Variants in KAZN observed in about 807,000 individuals in gnomAD.
The protein encoded by KAZN is kazrin.
A neutral mutation model predicts 87.4 loss-of-function variants in KAZN; 40 were observed. The observed-to-expected ratio is 0.46, with a 90% confidence interval of 0.36 to 0.60. KAZN has a LOEUF of 0.60. Ranked by LOEUF, KAZN falls within the 20% of genes least tolerant of loss-of-function variation. The probability of loss-of-function intolerance (pLI) is 0.00; values close to 1 mark genes in which losing one functional copy is unlikely to be tolerated. For missense variants in KAZN, 898 were observed against 1,073.9 expected, an observed-to-expected ratio of 0.84 and a Z score of 2.29; for synonymous variants, 466 against 458.3, an observed-to-expected ratio of 1.02 and a Z score of -0.22.
At chr1:15,001,181 C>G (rs12026555) in intron 2 of KAZN, among the ~76,000 whole-genome samples, 25,386 of 151,154 alleles carry the variant, frequency 0.17, 2,363 homozygotes, top group East Asian at 0.35. Context: ...CTGCAACATG[C>G]CTGGGCGTGG....
Position 13,962,395 on chromosome 1 carries a change from C to A in KAZN, c.91+68639C>A, listed in dbSNP as rs78558161. Among the ~76,000 whole-genome samples, 1,055 of 152,204 alleles carry A rather than the reference C, an allele frequency of 6.9e-3. 14 individuals carry two copies. The highest frequency in any genetic ancestry group is 0.024 in the African/African-American group (1,003 of 41,494). On this transcript the variant is annotated intron_variant, in intron 1 of 16. Transcript: ENST00000636203. ...GGCAACACCTTCTCAGAATGCTGAGCAACTTTGTCCACACAGTGGAGGGGT... is the reference window on the plus strand; with the variant it reads ...GGCAACACCTTCTCAGAATGCTGAGAAACTTTGTCCACACAGTGGAGGGGT...
At chr1:14,860,474 C>T (rs973946654) in intron 1 of KAZN, among the ~76,000 whole-genome samples, 7 of 152,216 alleles carry the variant, frequency 4.6e-5, no homozygotes, top group African/African-American at 1.7e-4. Context: ...TTATTACAGG[C>T]ATGAGCCACC....
At chr1:14,862,741 C>T (rs185240683) in intron 1 of KAZN, among the ~76,000 whole-genome samples, 4 of 151,954 alleles carry the variant, frequency 2.6e-5, no homozygotes, top group Admixed American at 2.0e-4. Context: ...GCTCATAATA[C>T]ATTGACACTA....
chr1:14,830,237 G>A (rs760863877), intron 1 of KAZN, among the ~76,000 whole-genome samples: 13 of 152,138 alleles, frequency 8.5e-5, no homozygotes, highest in Non-Finnish European at 1.3e-4. Context: ...CTTTCCCTGA[G>A]CCGTAGCAGG....
chr1:15,004,522 T>C (rs1319852950), intron 2 of KAZN, among the ~76,000 whole-genome samples: 1 of 152,068 alleles, frequency 6.6e-6, no homozygotes, highest in Non-Finnish European at 1.5e-5. Flanking sequence ...GACAATAGAG[T>C]TGACTTCTTC....
chr1:14,417,013 C>T (rs140497323), intron 2 of KAZN, among the ~76,000 whole-genome samples: 70 of 44,656 alleles, frequency 1.6e-3, no homozygotes, highest in African/African-American at 4.2e-3. Context: ...TATATATGTA[C>T]ACACACACAC....
At chr1:14,198,940 C>T (rs923841052) in intron 2 of KAZN, among the ~76,000 whole-genome samples, 2 of 152,002 alleles carry the variant, frequency 1.3e-5, no homozygotes, top group African/African-American at 4.8e-5. Context: ...CTTCAGAGCC[C>T]AGGCTTTAAT....
At chr1:14,557,477 T>C (rs570645214) in intron 2 of KAZN, among the ~76,000 whole-genome samples, 121 of 152,118 alleles carry the variant, frequency 8.0e-4, no homozygotes, top group Non-Finnish European at 2.9e-4. Flanking sequence ...GTACATTTTT[T>C]CCACATTAAA....
intron 1 of KAZN, among the ~76,000 whole-genome samples, chr1:14,027,877 T>C (rs1170394375): frequency 2.6e-5 from 4 of 152,160 alleles, no homozygotes; most frequent in Non-Finnish European, 5.9e-5. Flanking sequence ...GTTTCAGGAA[T>C]TGCAGTTTCC....
intron 1 of KAZN, among the ~76,000 whole-genome samples, chr1:14,819,707 T>A (rs980091001): frequency 3.1e-3 from 171 of 55,446 alleles, no homozygotes; most frequent in Middle Eastern, 6.5e-3. Context: ...AAAAAAAATC[T>A]TTTTTTTTTT....
At chr1:14,634,686 T>C (rs1679832260) in intron 1 of KAZN, among the ~76,000 whole-genome samples, 1 of 152,172 alleles carries the variant, frequency 6.6e-6, no homozygotes, top group Admixed American at 6.5e-5. Context: ...TTGAGTTGCC[T>C]TCTGAGAGCT....
At chr1:14,007,961 T>C (rs549247149) in intron 1 of KAZN, among the ~76,000 whole-genome samples, 2 of 152,188 alleles carry the variant, frequency 1.3e-5, no homozygotes, top group African/African-American at 4.8e-5. Flanking sequence ...TGGCCCTCAG[T>C]TGCCTCATCT....
At chr1:14,703,857 G>A (rs910453636) in intron 1 of KAZN, among the ~76,000 whole-genome samples, 2 of 152,272 alleles carry the variant, frequency 1.3e-5, no homozygotes, top group South Asian at 4.1e-4. Flanking sequence ...TCAGCCTGGG[G>A]CAACTCCAGC....
At chr1:14,052,502 G>T (rs1019370712) in intron 1 of KAZN, among the ~76,000 whole-genome samples, 1 of 151,336 alleles carries the variant, frequency 6.6e-6, no homozygotes, top group Non-Finnish European at 1.5e-5. Flanking sequence ...ATGCTGAAAA[G>T]TTATTTGATT....
intron 2 of KAZN, among the ~76,000 whole-genome samples, chr1:14,246,574 A>G (rs891151376): frequency 6.6e-6 from 1 of 152,226 alleles, no homozygotes; most frequent in African/African-American, 2.4e-5. Context: ...ACAAAAAATA[A>G]ACACCGTGTA....
chr1:14,591,847 A>C (rs2148581813), intron 2 of KAZN, among the ~76,000 whole-genome samples: 1 of 152,296 alleles, frequency 6.6e-6, no homozygotes, highest in African/African-American at 2.4e-5. Flanking sequence ...CACTGAACGC[A>C]TAGATTTCCA....
intron 1 of KAZN, among the ~76,000 whole-genome samples, chr1:14,890,191 T>A (rs1654548031): frequency 6.6e-6 from 1 of 152,194 alleles, no homozygotes. Flanking sequence ...GGTAAGCAAG[T>A]CAAGCCTGGT....
chr1:13,964,493 C>T (rs762232713), intron 1 of KAZN, among the ~76,000 whole-genome samples: 13 of 152,140 alleles, frequency 8.5e-5, no homozygotes, highest in Non-Finnish European at 1.6e-4. Flanking sequence ...CAGTTCTGGT[C>T]GTGGCTCACC....
In KAZN at chr1:14,947,129, G is replaced by T. The variant is rs1242621483; in HGVS notation, c.227-13555G>T. On this transcript the variant is annotated intron_variant, in intron 1 of 14. Coordinates refer to ENST00000376030, the MANE Select transcript of KAZN (RefSeq NM_201628.3). ...GCAGGGCTGGGCTCTCCCGGCCGTT[G>T]TAAGGCCGTGCTCAAGTTGCTTCCT... is the stretch of plus-strand genomic sequence containing the variant. Among the ~76,000 whole-genome samples the T allele has an allele frequency of 2.6e-5, 4 of 152,228 alleles. No homozygotes were observed. The East Asian group carries it at 7.7e-4, about 29-fold the overall frequency.
Sources: allele counts gnomAD v4.1 joint callset (sites outside exome capture counted in the v4.1 genomes callset), GRCh38; gene constraint gnomAD v4.1.1; transcripts MANE v1.5; gene names NCBI Gene and HGNC (gene_info 2026-07-23, HGNC 2026-07-21).